The following TNS3 variants were observed in gnomAD, a reference collection of about 807,000 sequenced individuals.
TNS3 encodes the protein tensin-3.
In TNS3, 45 loss-of-function variants were observed where a neutral mutation model predicts 140.9. That is an observed-to-expected ratio of 0.32 (90% confidence interval 0.25 to 0.41). TNS3 has a LOEUF of 0.41. Among genes scored for constraint, TNS3 ranks in the 10% least tolerant of loss-of-function variants. TNS3 has a pLI of 1.00. For missense variants in TNS3, 1,716 were observed against 1,906.7 expected (o/e 0.90, Z 1.86); for synonymous variants, 815 against 788.4 (o/e 1.03, Z -0.56).
chr7:47,348,009 C>T (rs1266437458), intron 17 of TNS3, among the ~76,000 whole-genome samples: 1 of 152,236 alleles, frequency 6.6e-6, no homozygotes, highest in Non-Finnish European at 1.5e-5. Context: ...TCCTCACACT[C>T]ACCACCCTCC....
At chr7:47,435,212 T>G in intron 8 of TNS3, 70 bp downstream of exon 8, 2 of 1,589,356 alleles carry the variant, frequency 1.3e-6, no homozygotes, top group Non-Finnish European at 1.7e-6. Context: ...AGATGCAGCA[T>G]TGGTCTCCAT....
chr7:47,395,090 C>G (rs1358922014), intron 16 of TNS3, among the ~76,000 whole-genome samples: 1 of 152,222 alleles, frequency 6.6e-6, no homozygotes, highest in African/African-American at 2.4e-5. Flanking sequence ...GGTCAATAAC[C>G]CTCCAGGCTC....
At chr7:47,354,799 T>C (rs2049498497) in intron 17 of TNS3, among the ~76,000 whole-genome samples, 1 of 152,056 alleles carries the variant, frequency 6.6e-6, no homozygotes, top group African/African-American at 2.4e-5. Context: ...CTTTACACAG[T>C]CTTGTGCCCC....
intron 1 of TNS3, among the ~76,000 whole-genome samples, chr7:47,570,682 G>A (rs920626667): frequency 6.6e-6 from 1 of 152,208 alleles, no homozygotes; most frequent in Non-Finnish European, 1.5e-5. Flanking sequence ...CCATAGTGAA[G>A]TGTGCCCAGT....
intron 20 of TNS3, among the ~76,000 whole-genome samples, chr7:47,316,558 T>G (rs1166776185): frequency 2.0e-5 from 3 of 151,566 alleles, no homozygotes; most frequent in South Asian, 2.1e-4. Flanking sequence ...GTTTTTGTTT[T>G]TTTTTTTTAA....
intron 3 of TNS3, among the ~76,000 whole-genome samples, chr7:47,503,808 G>C (rs1238685187): frequency 6.6e-6 from 1 of 152,154 alleles, no homozygotes; most frequent in Non-Finnish European, 1.5e-5. Flanking sequence ...CAAGGCACCA[G>C]CAGATTCAGT....
chr7:47,408,392 G>A (rs1340921232), intron 13 of TNS3, among the ~76,000 whole-genome samples: 1 of 152,096 alleles, frequency 6.6e-6, no homozygotes, highest in African/African-American at 2.4e-5. Context: ...CAGACCACAC[G>A]CTTGGGCTGC....
chr7:47,479,333 C>T (rs1436217006), intron 4 of TNS3, among the ~76,000 whole-genome samples: 1 of 152,344 alleles, frequency 6.6e-6, no homozygotes, highest in East Asian at 1.9e-4. Context: ...TCAGCCAGGG[C>T]CTCGGGACAG....
chr7:47,350,516 CG>C (rs1390277935), intron 17 of TNS3, among the ~76,000 whole-genome samples: 5 of 152,082 alleles, frequency 3.3e-5, no homozygotes, highest in Admixed American at 1.3e-4. Context: ...TCCTTGGCTA[CG>C]GGGAAGGTCA....
At chr7:47,451,950 C>A (rs941209883) in intron 4 of TNS3, among the ~76,000 whole-genome samples, 2 of 152,162 alleles carry the variant, frequency 1.3e-5, no homozygotes, top group Admixed American at 1.3e-4. Context: ...CTCTACTGCT[C>A]GAGTAAGCCG....
At chr7:47,310,650 T>G (rs922917018) in intron 20 of TNS3, among the ~76,000 whole-genome samples, 3 of 152,148 alleles carry the variant, frequency 2.0e-5, no homozygotes, top group Admixed American at 2.0e-4. Flanking sequence ...AAAATTGATG[T>G]TAAAAGCCAC....
intron 10 of TNS3, among the ~76,000 whole-genome samples, chr7:47,422,354 G>T (rs368264516): frequency 1.3e-5 from 2 of 152,146 alleles, no homozygotes; most frequent in Non-Finnish European, 2.9e-5. Flanking sequence ...TGGCTCACAC[G>T]TGCAATCCCA....
chr7:47,526,151 T>A (rs1047453144), intron 2 of TNS3, among the ~76,000 whole-genome samples: 2 of 152,252 alleles, frequency 1.3e-5, no homozygotes, highest in African/African-American at 2.4e-5. Flanking sequence ...ACTACTTAAA[T>A]GGCAGGAACA....
intron 16 of TNS3, 79 bp downstream of exon 16, chr7:47,396,721 A>G (rs1792851296): frequency 8.0e-7 from 1 of 1,251,528 alleles, no homozygotes; most frequent in African/African-American, 1.5e-5. Flanking sequence ...GCAGACTGCA[A>G]AATACTTCAG....
Position 47,368,637 on chromosome 7 carries a change from G to C in TNS3, c.2009C>G (p.Pro670Arg). Residue 670 changes from proline (P) to arginine (R), a missense_variant, in exon 17 of 31, where the codon CCA becomes CGA. By Grantham distance (103) the Pro-to-Arg change is moderately radical (BLOSUM62 -2). Around this residue, in one of 3 missense-constraint regions of TNS3, gnomAD observed 1,163 missense variants for 1,182.1 expected, o/e 0.98. Coordinates refer to ENST00000311160, the MANE Select transcript of TNS3 (RefSeq NM_022748.12). ...SPSKAFKPRF[P>R]GDQVVNGAGP... ...GGCTCCATTCACAACCTGGTCTCCT[G>C]GAAACCTGGGTTTGAACGCTTTGCT... The C allele has an allele frequency of 6.2e-7, 1 of 1,600,384 alleles. No individual in the cohort carries two copies. The highest frequency in any genetic ancestry group is 8.5e-7 in the Non-Finnish European group (1 of 1,173,422).
In TNS3 at chr7:47,278,234, G is replaced by A. The variant is rs754128133; in HGVS notation, c.4194-14C>T. ...AATCCAAAGACTCTGCCAAAGGAAA[G>A]TCCAGTCAGAGTGGTCAGTGTCCCA... On this transcript the variant is annotated splice_polypyrimidine_tract_variant and intron_variant, in intron 30 of 30. Transcript: ENST00000311160. 3.1e-6 allele frequency: 5 copies of A among 1,612,310 alleles called. No individual in the cohort carries two copies. The South Asian group carries it at 5.5e-5, about 18-fold the overall frequency.
At chr7:47,425,612 T>C (rs1794606002) in intron 9 of TNS3, among the ~76,000 whole-genome samples, 1 of 152,202 alleles carries the variant, frequency 6.6e-6, no homozygotes, top group South Asian at 2.1e-4. Context: ...GTCCATCACA[T>C]ACTGAGCAGC....
chr7:47,539,012 G>A (rs1485527436), intron 1 of TNS3: 1 of 456,436 alleles, frequency 2.2e-6, no homozygotes, highest in Non-Finnish European at 4.4e-6. Context: ...AGGATATGCT[G>A]CTGTCATGGT....
At chr7:47,290,758 T>C (rs1466388223) in intron 27 of TNS3, among the ~76,000 whole-genome samples, 2 of 152,192 alleles carry the variant, frequency 1.3e-5, no homozygotes, top group East Asian at 3.9e-4. Flanking sequence ...GACAGCCACA[T>C]TGGAAGACAG....
Sources: allele counts gnomAD v4.1 joint callset (sites outside exome capture counted in the v4.1 genomes callset), GRCh38; gene constraint gnomAD v4.1.1; regional missense constraint gnomAD v4.1.1; transcripts MANE v1.5; gene names NCBI Gene and HGNC (gene_info 2026-07-23, HGNC 2026-07-21).